The following TUBD1 variants were observed in gnomAD, a reference collection of about 807,000 sequenced individuals.
The protein encoded by TUBD1 is tubulin delta chain.
TUBD1 carries 38 observed loss-of-function variants against 51.2 expected under a neutral mutation model. The observed-to-expected ratio is 0.74, with a 90% confidence interval of 0.57 to 0.97. The LOEUF (loss-of-function observed/expected upper bound fraction) is 0.97. TUBD1 is among the 50% of genes least tolerant of loss of function. The pLI is 0.00. For missense variants in TUBD1, 489 were observed against 538.4 expected (o/e 0.91, Z 0.91); for synonymous variants, 169 against 178.2 (o/e 0.95, Z 0.41).
rs375993783 is a variant in TUBD1 at position 59,867,183 on chromosome 17, G to C, written c.935-434C>G. On this transcript the variant is annotated intron_variant, in intron 6 of 8. Transcript: ENST00000325752. ...TATTTTAGGTTTTTTTTTTGGACAG[G>C]GTCTCTCGCTATGTCACCCAGGCTG... 4.3e-4 allele frequency among the ~76,000 whole-genome samples: 65 copies of C among 151,490 alleles called. 1 individual carries two copies. Among genetic ancestry groups the C allele is most frequent in the African/African-American group, 1.6e-3 (65 of 41,306 alleles).
chr17:59,890,401 G>A (rs889829548), intron 2 of TUBD1, among the ~76,000 whole-genome samples: 1 of 152,066 alleles, frequency 6.6e-6, no homozygotes, highest in African/African-American at 2.4e-5. Context: ...ATGCCACCAC[G>A]CCCAGCTAAT....
Position 59,860,092 on chromosome 17 carries a change from T to C in TUBD1, c.*230A>G. Reference sequence around the variant, plus strand: ...GTGCAGTGGCGCGATCTCGGCTCACTGCAAGCTCCGCCTCCTGGGTTCACG... The same window carrying C: ...GTGCAGTGGCGCGATCTCGGCTCACCGCAAGCTCCGCCTCCTGGGTTCACG... On this transcript the variant is annotated 3_prime_UTR_variant, in exon 9 of 9. Transcript: ENST00000325752. 1 of 267,890 alleles carries C rather than the reference T, an allele frequency of 3.7e-6. No homozygotes were observed. Among genetic ancestry groups the C allele is most frequent in the South Asian group, 7.5e-5 (1 of 13,276 alleles). The allele number at this position is 267,890 out of a possible 1,614,324, so 16.6% of individuals were successfully genotyped here.
At chr17:59,867,927 A>G (rs1349480554) in intron 6 of TUBD1, among the ~76,000 whole-genome samples, 1 of 151,782 alleles carries the variant, frequency 6.6e-6, no homozygotes, top group Non-Finnish European at 1.5e-5. Context: ...ACCTTAACCA[A>G]AAGGATGTTG....
chr17:59,866,110 C>CAAAAAA (rs1191579900), intron 7 of TUBD1, among the ~76,000 whole-genome samples: 4 of 76,216 alleles, frequency 5.2e-5, no homozygotes, highest in Non-Finnish European at 5.9e-5. Context: ...GACCCCGTCT[C>CAAAAAA]AAAAAAAAAA....
At chr17:59,865,808 T>C (rs1257702816) in intron 7 of TUBD1, among the ~76,000 whole-genome samples, 2 of 151,874 alleles carry the variant, frequency 1.3e-5, no homozygotes, top group African/African-American at 4.8e-5. Flanking sequence ...ATATGTGACT[T>C]TGAGAAAAGG....
At chr17:59,866,526 C>T in intron 7 of TUBD1, 83 bp downstream of exon 7, 1 of 1,529,228 alleles carries the variant, frequency 6.5e-7, no homozygotes, top group South Asian at 1.3e-5. Context: ...TCCAAGAACA[C>T]AGGGACTTTT....
chr17:59,866,973 T>G (rs1362345689), intron 6 of TUBD1, among the ~76,000 whole-genome samples: 1 of 152,072 alleles, frequency 6.6e-6, no homozygotes, highest in Admixed American at 6.6e-5. Flanking sequence ...TTTTGTATTT[T>G]TAGTAGAGAC....
chr17:59,886,310 A>C (rs913400842), intron 2 of TUBD1, 80 bp from the exon 3 acceptor site: 2 of 1,351,308 alleles, frequency 1.5e-6, no homozygotes, highest in African/African-American at 3.0e-5. Context: ...AGAGCATCTA[A>C]GTGTCCAAAT....
At chr17:59,872,694 ATGTGTGTGTG>A (rs60720420) in intron 6 of TUBD1, among the ~76,000 whole-genome samples, 20,999 of 142,646 alleles carry the variant, frequency 0.15, 1,611 homozygotes, top group Non-Finnish European at 0.17. Context: ...GAAAATGGGA[ATGTGTGTGTG>A]TGTGTGTGTG....
At chr17:59,874,392 TA>T in intron 6 of TUBD1, 146 bp downstream of exon 6, 1 of 674,844 alleles carries the variant, frequency 1.5e-6, no homozygotes, top group Non-Finnish European at 2.4e-6. Context: ...GAAACCCTCC[TA>T]AGATGTCCTG....
At chr17:59,878,970 A>G (rs1241957646) in intron 4 of TUBD1, among the ~76,000 whole-genome samples, 1 of 152,094 alleles carries the variant, frequency 6.6e-6, no homozygotes, top group African/African-American at 2.4e-5. Context: ...TCAACAGGAA[A>G]TTGGCTTATA....
intron 6 of TUBD1, among the ~76,000 whole-genome samples, chr17:59,867,014 C>T (rs1018160455): frequency 6.6e-6 from 1 of 152,088 alleles, no homozygotes; most frequent in Non-Finnish European, 1.5e-5. Context: ...AGGCTGGTCT[C>T]GAACTCCTGA....
At chr17:59,877,845 T>G (rs2040295583) in intron 5 of TUBD1, among the ~76,000 whole-genome samples, 1 of 150,704 alleles carries the variant, frequency 6.6e-6, no homozygotes. Flanking sequence ...GTGAGTTATA[T>G]CTCAACATGG....
Position 59,886,220 on chromosome 17 carries a change from G to A in TUBD1, c.183C>T (p.Ala61=). 6.2e-7 allele frequency: 1 copy of A among 1,611,376 alleles called. No homozygotes were observed. Among genetic ancestry groups the A allele is most frequent in the Non-Finnish European group, 8.5e-7 (1 of 1,179,244 alleles). The change falls in exon 3 of 9, where the codon GCC becomes GCT. Residue 61 remains alanine (A), a synonymous_variant. Transcript: ENST00000325752. ...FSEEENGVPI[A]RAVLVDMEPK... is the part of the protein sequence containing the mutation. ...GTTCCATGTCAACAAGAACAGCCCG[G>A]GCAATTGGAACTAGAGGGGGAAAAA...
chr17:59,871,991 T>G (rs911141178), intron 6 of TUBD1, among the ~76,000 whole-genome samples: 1 of 151,944 alleles, frequency 6.6e-6, no homozygotes, highest in Admixed American at 6.6e-5. Context: ...TCTCGCTCTG[T>G]TGCCCAGGCT....
At chr17:59,862,340 AAGAT>A (rs1244820581) in intron 8 of TUBD1, among the ~76,000 whole-genome samples, 1 of 151,730 alleles carries the variant, frequency 6.6e-6, no homozygotes, top group Non-Finnish European at 1.5e-5. Context: ...AAAAAAGAAA[AAGAT>A]AGTTAGAAGC....
intron 8 of TUBD1, among the ~76,000 whole-genome samples, chr17:59,861,936 A>G (rs571415014): frequency 3.5e-4 from 52 of 149,776 alleles, no homozygotes; most frequent in Non-Finnish European, 5.2e-4. Flanking sequence ...AAAGTGCTGG[A>G]ATTACAGGTG....
intron 8 of TUBD1, among the ~76,000 whole-genome samples, chr17:59,861,605 A>G (rs1411746136): frequency 2.6e-5 from 4 of 152,126 alleles, no homozygotes; most frequent in Non-Finnish European, 5.9e-5. Flanking sequence ...TAACGAGAGT[A>G]GGAAGGGAAT....
At chr17:59,887,879 A>G (rs1568330403) in intron 2 of TUBD1, among the ~76,000 whole-genome samples, 1 of 148,464 alleles carries the variant, frequency 6.7e-6, no homozygotes, top group Non-Finnish European at 1.5e-5. Context: ...CAATCCTCCC[A>G]CCTTGGTCTC....
Sources: gnomAD v4.1 joint callset for allele counts (sites outside exome capture counted in the v4.1 genomes callset) on GRCh38, gnomAD v4.1.1 for gene constraint, MANE v1.5 for transcripts, NCBI Gene and HGNC (gene_info 2026-07-23, HGNC 2026-07-21) for gene names.